FAAH2: variants seen among roughly 807,000 people sequenced by gnomAD.
FAAH2 encodes fatty acid amide hydrolase 2, also known as fatty-acid amide hydrolase 2.
FAAH2 carries 60 observed loss-of-function variants against 36.9 expected under a neutral mutation model. The ratio of observed to expected loss-of-function variants is 1.63; its 90% CI spans 1.32 to 2.02. FAAH2 has a LOEUF of 2.02. Ranked by LOEUF, FAAH2 falls within the 30% of genes most tolerant of loss-of-function variation. The probability of loss-of-function intolerance (pLI) is 0.00; values close to 1 mark genes in which losing one functional copy is unlikely to be tolerated. For missense variants in FAAH2, 689 were observed against 397.5 expected, an observed-to-expected ratio of 1.73 and a Z score of -6.23; for synonymous variants, 214 against 143.8, an observed-to-expected ratio of 1.49 and a Z score of -3.49.
At chrX:57,445,770 A>G (rs2056660873) in intron 8 of FAAH2, among the ~76,000 whole-genome samples, 1 of 112,384 alleles carries the variant, frequency 8.9e-6, no homozygotes, top group African/African-American at 3.2e-5. Context: ...CACCAGCTAC[A>G]TTGCCGGAGT....
upstream of FAAH2, among the ~76,000 whole-genome samples, chrX:57,282,772 T>C (rs1268339848): frequency 8.9e-6 from 1 of 112,066 alleles, no homozygotes; most frequent in Non-Finnish European, 1.9e-5. Flanking sequence ...TGCTTAGCCA[T>C]GTGGCTCGCC....
chrX:57,256,787 G>A, the FAAH2 span, among the ~76,000 whole-genome samples: 23 of 111,830 alleles, frequency 2.1e-4, no homozygotes, highest in South Asian at 7.5e-4. Context: ...AATTTTTGCC[G>A]TCTATCCATG....
the FAAH2 span, among the ~76,000 whole-genome samples, chrX:57,256,909 A>G: frequency 8.9e-6 from 1 of 112,564 alleles, no homozygotes; most frequent in African/African-American, 3.2e-5. Flanking sequence ...TCTCAAAAGA[A>G]GAAATTTATG....
chrX:57,183,364 A>G, the FAAH2 span, among the ~76,000 whole-genome samples: 1 of 91,563 alleles, frequency 1.1e-5, no homozygotes, highest in Non-Finnish European at 2.1e-5. Flanking sequence ...AAATAGATAT[A>G]CACTAGAAAA....
chrX:57,425,024 A>T, intron 7 of FAAH2, among the ~76,000 whole-genome samples: 1 of 94,116 alleles, frequency 1.1e-5, no homozygotes, highest in South Asian at 5.6e-4. Context: ...TTTACCAAAA[A>T]GATAGATATT....
intron 8 of FAAH2, 111 bp from the exon 9 acceptor site, chrX:57,446,817 G>T (rs1308244271): frequency 6.8e-6 from 3 of 444,110 alleles, no homozygotes; most frequent in Non-Finnish European, 1.1e-5. Context: ...TCAATTGACT[G>T]GTATTTTACT....
chrX:57,371,637 TG>T (rs202021824), intron 5 of FAAH2, among the ~76,000 whole-genome samples: 149 of 90,833 alleles, frequency 1.6e-3, no homozygotes, highest in East Asian at 3.0e-3. Flanking sequence ...TTCTATTTTT[TG>T]GGGGGGGGGT....
At chrX:57,273,851 C>T in the FAAH2 span, among the ~76,000 whole-genome samples, 3 of 111,311 alleles carry the variant, frequency 2.7e-5, no homozygotes, top group Non-Finnish European at 5.7e-5. Context: ...ATTAAAAGAA[C>T]TAGAGAAGCA....
At chrX:57,423,724 TG>T (rs752171103) in intron 7 of FAAH2, among the ~76,000 whole-genome samples, 1 of 111,443 alleles carries the variant, frequency 9.0e-6, no homozygotes, top group South Asian at 3.8e-4. Flanking sequence ...TGCGTGCCAT[TG>T]GGGAGCCTAA....
At chrX:57,390,179 T>G (rs762249364) in intron 7 of FAAH2, among the ~76,000 whole-genome samples, 1 of 111,873 alleles carries the variant, frequency 8.9e-6, no homozygotes, top group South Asian at 3.7e-4. Flanking sequence ...TGAAAATACT[T>G]TTTAGTTTGC....
intron 3 of FAAH2, among the ~76,000 whole-genome samples, chrX:57,321,045 C>G (rs1383669159): frequency 9.1e-6 from 1 of 109,613 alleles, no homozygotes. Context: ...GAGGCTGAGG[C>G]AGGAGAATGG....
intron 7 of FAAH2, among the ~76,000 whole-genome samples, chrX:57,405,673 A>T (rs751118711): frequency 1.1e-3 from 113 of 103,437 alleles, no homozygotes; most frequent in Middle Eastern, 4.7e-3. Context: ...TTAATTTTTT[A>T]AAAAAATTTT....
chrX:57,450,300 G>T (rs756834866), intron 10 of FAAH2, among the ~76,000 whole-genome samples: 1 of 109,705 alleles, frequency 9.1e-6, no homozygotes, highest in Non-Finnish European at 1.9e-5. Flanking sequence ...CTAGAAGCCA[G>T]AAATTCTATA....
chrX:57,438,254 TATATAGATATAG>T (rs78800925), intron 8 of FAAH2, among the ~76,000 whole-genome samples: 5 of 99,863 alleles, frequency 5.0e-5, no homozygotes, highest in Admixed American at 2.3e-4. Context: ...TAGATATAAG[TATATAGATATAG>T]ATATAGATAT....
intron 5 of FAAH2, among the ~76,000 whole-genome samples, chrX:57,347,471 T>G (rs994313860): frequency 9.0e-6 from 1 of 111,030 alleles, no homozygotes; most frequent in Non-Finnish European, 1.9e-5. Flanking sequence ...ATCATTTTAA[T>G]GGATTCCCTG....
intron 7 of FAAH2, among the ~76,000 whole-genome samples, chrX:57,400,745 G>A (rs909271467): frequency 8.9e-6 from 1 of 112,336 alleles, no homozygotes; most frequent in Non-Finnish European, 1.9e-5. Flanking sequence ...GATAATTTTA[G>A]ACCTAAGAAT....
intron 3 of FAAH2, among the ~76,000 whole-genome samples, chrX:57,313,949 G>T (rs961640451): frequency 9.0e-6 from 1 of 111,248 alleles, no homozygotes; most frequent in African/African-American, 3.3e-5. Flanking sequence ...GTGTCAGGCT[G>T]GATGAAAAAA....
chrX:57,331,966 G>A (rs1367133579), intron 4 of FAAH2, among the ~76,000 whole-genome samples, 159 bp downstream of exon 4: 4 of 112,177 alleles, frequency 3.6e-5, no homozygotes, highest in African/African-American at 9.7e-5. Context: ...TGGGAGTCAT[G>A]TAACAGCCTT....
intron 5 of FAAH2, among the ~76,000 whole-genome samples, chrX:57,353,042 C>G (rs1208993661): frequency 9.0e-6 from 1 of 110,583 alleles, no homozygotes; most frequent in Non-Finnish European, 1.9e-5. Context: ...AAGAAATCTA[C>G]AGATTCAGTG....
Sources: allele counts gnomAD v4.1 joint callset (sites outside exome capture counted in the v4.1 genomes callset), GRCh38; gene constraint gnomAD v4.1.1; transcripts MANE v1.5; gene names NCBI Gene and HGNC (gene_info 2026-07-23, HGNC 2026-07-21).